Variants in LRBA observed in about 807,000 individuals in gnomAD.
LRBA encodes the protein lipopolysaccharide-responsive and beige-like anchor protein.
Under a neutral mutation model 330.0 loss-of-function variants are expected in LRBA, and 176 were observed. The ratio of observed to expected loss-of-function variants is 0.53; its 90% CI spans 0.47 to 0.60. The LOEUF is 0.60. Ranked by LOEUF, LRBA falls within the 20% of genes least tolerant of loss-of-function variation. The pLI is 0.00. For missense variants in LRBA, 3,259 were observed against 3,444.8 expected, an observed-to-expected ratio of 0.95 and a Z score of 1.35; for synonymous variants, 1,230 against 1,193.0, an observed-to-expected ratio of 1.03 and a Z score of -0.64.
At position 150,382,100 on chromosome 4, in the gene LRBA, T is replaced by C. The variant is rs138241212; in HGVS notation, c.7195-31941A>G. On this transcript the variant is annotated intron_variant, in intron 47 of 56. Transcript: ENST00000651943. ...ATGATTTGCAAATATTTTCTCCCAT[T>C]CTATGGATTGTCTTTTCACTTTCCA... Among the ~76,000 whole-genome samples the C allele has an allele frequency of 3.2e-3, 495 of 152,342 alleles. 3 individuals are homozygous for C. The highest frequency in any genetic ancestry group is 0.012 in the African/African-American group (484 of 41,584).
At chr4:150,847,690 G>A (rs754203237) in intron 26 of LRBA, among the ~76,000 whole-genome samples, 3 of 151,876 alleles carry the variant, frequency 2.0e-5, no homozygotes, top group South Asian at 2.1e-4. Flanking sequence ...ACAAAGTCTC[G>A]ATATTTACAA....
chr4:150,725,709 G>C (rs1043096133), intron 36 of LRBA, among the ~76,000 whole-genome samples: 10 of 152,090 alleles, frequency 6.6e-5, no homozygotes, highest in Non-Finnish European at 1.2e-4. Flanking sequence ...ATTGTAATTG[G>C]AGTGTATAAA....
intron 37 of LRBA, among the ~76,000 whole-genome samples, chr4:150,658,511 CTCT>C (rs1225774727): frequency 0.028 from 11 of 400 alleles, 1 homozygote; most frequent in East Asian, 0.5. Flanking sequence ...AAAAGTCTCC[CTCT>C]CCCTCTCCCT....
intron 48 of LRBA, among the ~76,000 whole-genome samples, chr4:150,331,989 G>A (rs996950321): frequency 2.6e-5 from 4 of 152,150 alleles, no homozygotes; most frequent in African/African-American, 9.7e-5. Context: ...TTATTGAGTT[G>A]TGAGGATTAA....
intron 40 of LRBA, among the ~76,000 whole-genome samples, chr4:150,514,412 C>T (rs758200336): frequency 1.1e-4 from 17 of 152,126 alleles, no homozygotes; most frequent in Non-Finnish European, 1.8e-4. Flanking sequence ...ATATCTATGC[C>T]GGCTTTAAAT....
At position 150,310,372 on chromosome 4, in the gene LRBA, C is replaced by T. The variant is rs1301679855; in HGVS notation, c.7706G>A (p.Gly2569Glu). Reference protein sequence around the residue: ...EIDPLIASNTGMHRRQITDLL... With the variant: ...EIDPLIASNTEMHRRQITDLL... Reference sequence around the variant, plus strand: ...GTCAGTGATTTGCCTCCTGTGCATTCCTGTATTGCTGGCTGTAAGAATAGG... The same window carrying T: ...GTCAGTGATTTGCCTCCTGTGCATTTCTGTATTGCTGGCTGTAAGAATAGG... The change falls in exon 52 of 57, where the codon GGA becomes GAA. Residue 2569 changes from glycine (G) to glutamate (E), a missense_variant. Physicochemically the swap from Gly to Glu is moderately conservative, Grantham distance 98. Coordinates refer to ENST00000651943, the MANE Select transcript of LRBA (RefSeq NM_001364905.1). The T allele has an allele frequency of 1.2e-6, 2 of 1,612,824 alleles. No individual in the cohort carries two copies. Among genetic ancestry groups the T allele is most frequent in the East Asian group, 4.5e-5 (2 of 44,836 alleles).
intron 35 of LRBA, among the ~76,000 whole-genome samples, chr4:150,750,714 T>G (rs1481300491): frequency 6.6e-6 from 1 of 151,992 alleles, no homozygotes; most frequent in Non-Finnish European, 1.5e-5. Context: ...ATTACAGGAG[T>G]GAACTACAAT....
intron 46 of LRBA, among the ~76,000 whole-genome samples, chr4:150,429,442 G>A (rs939953618): frequency 6.6e-6 from 1 of 152,050 alleles, no homozygotes; most frequent in Non-Finnish European, 1.5e-5. Flanking sequence ...GAGTTAGGTA[G>A]TGTAGGGTCT....
chr4:150,692,440 A>C (rs929095755), intron 36 of LRBA, among the ~76,000 whole-genome samples: 6 of 152,060 alleles, frequency 3.9e-5, no homozygotes, highest in Admixed American at 3.9e-4. Context: ...CGCTGGTCTC[A>C]AACTCCTGAG....
chr4:150,718,494 T>C (rs1358109970), intron 36 of LRBA, among the ~76,000 whole-genome samples: 1 of 152,090 alleles, frequency 6.6e-6, no homozygotes, highest in Non-Finnish European at 1.5e-5. Flanking sequence ...TGCAGAGTAT[T>C]GTTTAAGAGC....
In LRBA at chr4:150,549,662, T is replaced by C. The variant is rs75269905; in HGVS notation, c.6330+38386A>G. On this transcript the variant is annotated intron_variant, in intron 40 of 56. Coordinates refer to ENST00000651943, the MANE Select transcript of LRBA (RefSeq NM_001364905.1). Reference sequence around the variant, plus strand: ...GTCACTTTTACCTATTTATAAAGTATTATATCAGTTGAGAATTATTTTAAT... The same window carrying C: ...GTCACTTTTACCTATTTATAAAGTACTATATCAGTTGAGAATTATTTTAAT... Among the ~76,000 whole-genome samples the C allele has an allele frequency of 4.2e-3, 643 of 152,336 alleles. 3 individuals are homozygous for C. Among genetic ancestry groups the C allele is most frequent in the African/African-American group, 0.015 (622 of 41,574 alleles).
chr4:150,408,797 C>G (rs1467599163), intron 47 of LRBA, among the ~76,000 whole-genome samples: 1 of 151,992 alleles, frequency 6.6e-6, no homozygotes, highest in Non-Finnish European at 1.5e-5. Flanking sequence ...TTGTTTCTTG[C>G]TTGAAAATCT....
chr4:150,835,782 A>C lies in LRBA; in HGVS notation c.4570-3806T>G, dbSNP rs143889903. 7.9e-4 allele frequency among the ~76,000 whole-genome samples: 120 copies of C among 152,276 alleles called. 2 individuals carry two copies. In the East Asian group the frequency reaches 0.021, roughly 26 times the overall value. ...TTTGACTTCCTCTTTTCCTAATTGA[A>C]TACCCTTTCTTTCTTTCTCCTGACG... is the stretch of plus-strand genomic sequence containing the variant. On this transcript the variant is annotated intron_variant, in intron 28 of 56. Coordinates refer to ENST00000651943, the MANE Select transcript of LRBA (RefSeq NM_001364905.1).
intron 44 of LRBA, among the ~76,000 whole-genome samples, chr4:150,456,528 G>A (rs1348398217): frequency 6.6e-6 from 1 of 152,072 alleles, no homozygotes; most frequent in Non-Finnish European, 1.5e-5. Context: ...ATTATGAGAT[G>A]TTTTTCCTAT....
chr4:150,834,731 A>G (rs557953788), intron 28 of LRBA, among the ~76,000 whole-genome samples: 1 of 152,350 alleles, frequency 6.6e-6, no homozygotes, highest in Admixed American at 6.5e-5. Context: ...GTCCCTAACA[A>G]GAGAATCAGC....
At chr4:150,780,635 A>ATATATACATATATATACACG (rs1553960423) in intron 34 of LRBA, among the ~76,000 whole-genome samples, 6 of 133,258 alleles carry the variant, frequency 4.5e-5, no homozygotes, top group African/African-American at 1.6e-4. Context: ...ATACACGTAT[A>ATATATACATATATATACACG]TATATATATA....
chr4:150,961,624 A>C (rs1271864376), intron 2 of LRBA, among the ~76,000 whole-genome samples: 2 of 149,500 alleles, frequency 1.3e-5, no homozygotes, highest in Non-Finnish European at 2.9e-5. Context: ...CTGACTCTAA[A>C]TTTCTCTAGG....
intron 53 of LRBA, among the ~76,000 whole-genome samples, chr4:150,302,215 G>T (rs1447382271): frequency 6.6e-6 from 1 of 152,080 alleles, no homozygotes; most frequent in Non-Finnish European, 1.5e-5. Flanking sequence ...ATACATAAAT[G>T]AAAGCATAAT....
chr4:150,517,658 T>C (rs573350013), intron 40 of LRBA, among the ~76,000 whole-genome samples: 1 of 152,216 alleles, frequency 6.6e-6, no homozygotes, highest in Non-Finnish European at 1.5e-5. Flanking sequence ...AGATTATATT[T>C]ATAATAAGCT....
Sources: gnomAD v4.1 joint callset for allele counts (sites outside exome capture counted in the v4.1 genomes callset) on GRCh38, gnomAD v4.1.1 for gene constraint, MANE v1.5 for transcripts, NCBI Gene and HGNC (gene_info 2026-07-23, HGNC 2026-07-21) for gene names.